FHIP2A: variants seen among roughly 807,000 people sequenced by gnomAD.
The protein encoded by FHIP2A is FHF complex subunit HOOK interacting protein 2A.
FHIP2A carries 46 observed loss-of-function variants against 93.5 expected under a neutral mutation model. The ratio of observed to expected loss-of-function variants is 0.49; its 90% CI spans 0.39 to 0.63. The LOEUF is 0.63. Ranked by LOEUF, FHIP2A falls within the 20% of genes least tolerant of loss-of-function variation. FHIP2A has a pLI of 0.00. For missense variants in FHIP2A, 769 were observed against 909.7 expected (o/e 0.85, Z 1.99); for synonymous variants, 332 against 326.5 (o/e 1.02, Z -0.18).
intron 16 of FHIP2A, among the ~76,000 whole-genome samples, chr10:114,879,096 C>G (rs185734828): frequency 1.3e-5 from 2 of 152,190 alleles, no homozygotes; most frequent in Admixed American, 6.5e-5. Context: ...ACCAATATTC[C>G]ATATTTATAG....
Position 114,863,984 on chromosome 10 carries a change from C to T in FHIP2A, c.*2444C>T, listed in dbSNP as rs1437398522. 5 of 1,062,498 alleles carry T rather than the reference C, an allele frequency of 4.7e-6. No homozygotes were observed. The African/African-American group carries it at 8.6e-5, about 18-fold the overall frequency. 65.8% of individuals were successfully genotyped at this position (1,062,498 alleles called of 1,614,324 possible). A position where few individuals can be genotyped will look rare whatever the true frequency, so the allele number is the denominator to read the frequency against. ...TTGATAGAACTCAGATTTGTCTTAG[C>T]CTATTGCCATATAGTACTCACCTTA... On this transcript the variant is annotated 3_prime_UTR_variant, in exon 17 of 17. Coordinates refer to ENST00000369248, the MANE Select transcript of FHIP2A (RefSeq NM_020940.4).
chr10:114,850,999 C>T (rs1344190357), intron 13 of FHIP2A, among the ~76,000 whole-genome samples: 1 of 152,066 alleles, frequency 6.6e-6, no homozygotes, highest in African/African-American at 2.4e-5. Flanking sequence ...CTGCAACCTC[C>T]GCCTCCTGGG....
At chr10:114,893,746 A>T (rs2083987128) in intron 16 of FHIP2A, among the ~76,000 whole-genome samples, 1 of 152,132 alleles carries the variant, frequency 6.6e-6, no homozygotes, top group African/African-American at 2.4e-5. Flanking sequence ...ATGTATATAC[A>T]CACTGAGGGA....
chr10:114,849,372 A>G (rs2083721271), intron 13 of FHIP2A, among the ~76,000 whole-genome samples: 1 of 152,062 alleles, frequency 6.6e-6, no homozygotes, highest in South Asian at 2.1e-4. Flanking sequence ...ACAAGCCATT[A>G]TCCTTTTCTC....
chr10:114,865,679 C>A (rs1180339782), downstream of FHIP2A, among the ~76,000 whole-genome samples: 1 of 152,044 alleles, frequency 6.6e-6, no homozygotes, highest in Non-Finnish European at 1.5e-5. Flanking sequence ...CTGCTTCAAA[C>A]TGTTAAGAAT....
chr10:114,899,726 T>C, exon 17 of FHIP2A: 1 of 462,530 alleles, frequency 2.2e-6, no homozygotes, highest in Non-Finnish European at 3.8e-6. Flanking sequence ...ATCCAGAGTG[T>C]TTCCCCAAAG....
intron 16 of FHIP2A, among the ~76,000 whole-genome samples, chr10:114,871,307 T>C (rs1197651044): frequency 6.6e-6 from 1 of 151,994 alleles, no homozygotes; most frequent in African/African-American, 2.4e-5. Flanking sequence ...ATCATGCCAC[T>C]GAGCCTGGCT....
At chr10:114,879,660 C>T (rs184536433) in intron 16 of FHIP2A, among the ~76,000 whole-genome samples, 43 of 152,114 alleles carry the variant, frequency 2.8e-4, no homozygotes, top group Non-Finnish European at 5.6e-4. Context: ...AACTGGGGGG[C>T]TTTGGTTTTG....
intron 16 of FHIP2A, among the ~76,000 whole-genome samples, chr10:114,873,316 AGAG>A (rs2083868102): frequency 6.6e-6 from 1 of 152,222 alleles, no homozygotes; most frequent in Admixed American, 6.5e-5. Flanking sequence ...TGGATGTTAC[AGAG>A]GAGGAATACA....
intron 1 of FHIP2A, among the ~76,000 whole-genome samples, chr10:114,826,040 G>A (rs1278480312): frequency 6.6e-6 from 1 of 152,192 alleles, no homozygotes; most frequent in Non-Finnish European, 1.5e-5. Flanking sequence ...AATCTCCTGT[G>A]CCCTGGAAAT....
intron 16 of FHIP2A, among the ~76,000 whole-genome samples, chr10:114,897,316 C>T (rs2084005762): frequency 6.6e-6 from 1 of 152,186 alleles, no homozygotes; most frequent in African/African-American, 2.4e-5. Flanking sequence ...CCGGACATAG[C>T]AGTAGGGTGG....
Position 114,864,626 on chromosome 10 carries a change from G to A in FHIP2A, c.*3086G>A. ...TTGTGTACCTACTCTCTCTTCAAAG[G>A]AAGTTGTGATCAAGTTCAACTTTTT... On this transcript the variant is annotated 3_prime_UTR_variant, in exon 17 of 17. Transcript: ENST00000369248. The A allele has an allele frequency of 1.0e-6, 1 of 985,776 alleles. No individual in the cohort carries two copies. Among genetic ancestry groups the A allele is most frequent in the South Asian group, 4.7e-5 (1 of 21,276 alleles). The allele number at this position is 985,776 out of a possible 1,614,324, so 61.1% of individuals were successfully genotyped here.
chr10:114,832,379 T>C (rs1445567604), intron 2 of FHIP2A, among the ~76,000 whole-genome samples: 3 of 152,166 alleles, frequency 2.0e-5, no homozygotes, highest in African/African-American at 7.2e-5. Flanking sequence ...CTCATTGTAA[T>C]AGAAGAAAAT....
Position 114,861,981 on chromosome 10 carries a change from C to T in FHIP2A, c.*441C>T. The T allele has an allele frequency of 1.0e-6, 1 of 980,426 alleles. No individual in the cohort carries two copies. The highest frequency in any genetic ancestry group is 4.7e-5 in the South Asian group (1 of 21,178). 60.7% of individuals were successfully genotyped at this position (980,426 alleles called of 1,614,324 possible). A position where few individuals can be genotyped will look rare whatever the true frequency, so the allele number is the denominator to read the frequency against. ...CAAAAAAAAATCACTAATTTTATAA[C>T]TTTTTAAGGTCAGAATTCTTATCAA... On this transcript the variant is annotated 3_prime_UTR_variant, in exon 17 of 17. Coordinates refer to ENST00000369248, the MANE Select transcript of FHIP2A (RefSeq NM_020940.4).
At chr10:114,831,249 G>A (rs184030337) in intron 2 of FHIP2A, among the ~76,000 whole-genome samples, 2 of 152,206 alleles carry the variant, frequency 1.3e-5, no homozygotes, top group African/African-American at 2.4e-5. Context: ...TGTGTCAGAT[G>A]ATAAGCGTCA....
chr10:114,837,211 G>GT (rs1214077821), intron 5 of FHIP2A, among the ~76,000 whole-genome samples: 5 of 152,032 alleles, frequency 3.3e-5, no homozygotes, highest in Admixed American at 2.6e-4. Flanking sequence ...GCCTTCTTTT[G>GT]TTTTTTAAAA....
intron 13 of FHIP2A, among the ~76,000 whole-genome samples, chr10:114,850,105 T>C (rs2083725837): frequency 6.6e-6 from 1 of 152,208 alleles, no homozygotes. Context: ...GGTTTTCCGT[T>C]TTCTTGGGTA....
At chr10:114,880,109 C>A (rs538436639) in intron 16 of FHIP2A, among the ~76,000 whole-genome samples, 18 of 152,262 alleles carry the variant, frequency 1.2e-4, no homozygotes, top group African/African-American at 4.1e-4. Context: ...CTTCACTATA[C>A]GATCACACAG....
chr10:114,898,656 G>A (rs2084012442), intron 16 of FHIP2A, among the ~76,000 whole-genome samples: 1 of 152,084 alleles, frequency 6.6e-6, no homozygotes, highest in Non-Finnish European at 1.5e-5. Flanking sequence ...ATTACCAGTT[G>A]ATAACTCTTT....
Sources: gnomAD v4.1 joint callset for allele counts (sites outside exome capture counted in the v4.1 genomes callset) on GRCh38, gnomAD v4.1.1 for gene constraint, MANE v1.5 for transcripts, NCBI Gene and HGNC (gene_info 2026-07-23, HGNC 2026-07-21) for gene names.